ANKRD26: variants seen among roughly 807,000 people sequenced by gnomAD.
ANKRD26 encodes ankyrin repeat domain 26.
In ANKRD26, 141 loss-of-function variants were observed where a neutral mutation model predicts 208.7. That is an observed-to-expected ratio of 0.68 (90% CI 0.59 to 0.78). The LOEUF is 0.78. Ranked by LOEUF, ANKRD26 falls within the 30% of genes least tolerant of loss-of-function variation. ANKRD26 has a pLI of 0.00. For synonymous variants in ANKRD26, 636 were observed against 660.4 expected (o/e 0.96, Z 0.57); for missense variants, 1,889 against 1,938.7 (o/e 0.97, Z 0.48).
intron 9 of ANKRD26, among the ~76,000 whole-genome samples, chr10:27,069,501 G>T (rs944158646): frequency 6.6e-6 from 1 of 152,038 alleles, no homozygotes; most frequent in African/African-American, 2.4e-5. Context: ...CAGAGACAAG[G>T]TTTCACTGTG....
At position 27,077,354 on chromosome 10, in the gene ANKRD26, T is replaced by C. The variant is rs764315640; in HGVS notation, c.1061A>G (p.Asn354Ser). Residue 354 changes from asparagine (N) to serine (S), a missense_variant, in exon 9 of 34, where the codon AAC becomes AGC. This residue lies in a region of ANKRD26 where 1,272 missense variants were observed against 1,273.8 expected (regional missense o/e 1.00). Transcript: ENST00000376087. ...LPKPSHKSLA[N>S]PGLMKEEPTK... ...ACAACTTACCTTCATAAGACCAGGGTTTGCTAACGACTTGTGGGAAGGTTT... is the reference window on the plus strand; with the variant it reads ...ACAACTTACCTTCATAAGACCAGGGCTTGCTAACGACTTGTGGGAAGGTTT... 12 of 1,613,752 alleles carry C rather than the reference T, an allele frequency of 7.4e-6. No individual in the cohort carries two copies. The Admixed American group carries it at 2.0e-4, about 27-fold the overall frequency.
chr10:26,951,019 C>CTTTTTTTTTTTTTTTTTTTTTTTT, the ANKRD26 span, among the ~76,000 whole-genome samples: 26 of 48,592 alleles, frequency 5.4e-4, no homozygotes, highest in East Asian at 9.0e-4. Context: ...TTTTCTTTTT[C>CTTTTTTTTTTTTTTTTTTTTTTTT]TTTTTTTTTT....
chr10:27,049,220 G>C (rs896966417), intron 16 of ANKRD26, among the ~76,000 whole-genome samples: 9 of 152,020 alleles, frequency 5.9e-5, no homozygotes, highest in African/African-American at 2.2e-4. Context: ...GGGTAAAACA[G>C]AATTTTCCAA....
At chr10:27,001,272 G>T (rs1229273046), downstream of ANKRD26, among the ~76,000 whole-genome samples, 1 of 152,146 alleles carries the variant, frequency 6.6e-6, no homozygotes, top group Admixed American at 6.5e-5. Flanking sequence ...AAAATGAGAA[G>T]GGCCTAAGCG....
At chr10:27,050,707 A>G (rs751870611) in intron 16 of ANKRD26, among the ~76,000 whole-genome samples, 27 of 152,140 alleles carry the variant, frequency 1.8e-4, no homozygotes, top group Non-Finnish European at 2.9e-4. Context: ...AAAGAAATTC[A>G]TCTTTAAGAA....
At chr10:27,092,572 A>C (rs529455243) in intron 3 of ANKRD26, 60 bp from the exon 4 acceptor site, 4 of 1,247,274 alleles carry the variant, frequency 3.2e-6, no homozygotes, top group Non-Finnish European at 4.7e-6. Flanking sequence ...GGCTGAACTG[A>C]AAACTCTATG....
Position 27,053,353 on chromosome 10 carries a change from T to A in ANKRD26, c.1602A>T (p.Gln534His). ...HDLEVASEEE[Q>H]EREGSENNQP... ...GGTTATTTTCACTCCCTTCCCTTTC[T>A]TGCTCTTCTTCTGATGCTACTTCTA... The change falls in exon 16 of 34, where the codon CAA becomes CAT. Residue 534 changes from glutamine (Q) to histidine (H), a missense_variant. Physicochemically the swap from Gln to His is conservative, Grantham distance 24. Coordinates refer to ENST00000376087, the MANE Select transcript of ANKRD26 (RefSeq NM_014915.3). The A allele has an allele frequency of 6.2e-7, 1 of 1,611,038 alleles. No homozygotes were observed. Among genetic ancestry groups the A allele is most frequent in the Non-Finnish European group, 8.5e-7 (1 of 1,178,894 alleles).
intron 33 of ANKRD26, among the ~76,000 whole-genome samples, chr10:27,006,063 C>A (rs2052866096): frequency 6.6e-6 from 1 of 152,126 alleles, no homozygotes; most frequent in African/African-American, 2.4e-5. Flanking sequence ...GACAAACATA[C>A]AATTTCCATA....
At chr10:27,039,398 G>A (rs2054153055) in intron 21 of ANKRD26, among the ~76,000 whole-genome samples, 1 of 150,832 alleles carries the variant, frequency 6.6e-6, no homozygotes, top group African/African-American at 2.4e-5. Flanking sequence ...AGGTTACAGT[G>A]AGCCAAGATT....
rs373454154 is a variant in ANKRD26, at chr10:27,042,057, C to CA, written c.2161+1368dup. On this transcript the variant is annotated intron_variant, in intron 20 of 33. Transcript: ENST00000376087. ...AAACAAAGAGTCATAGCTTATAAGT[C>CA]AAAAAAAAAACAAACCCAAAAACCT... Among the ~76,000 whole-genome samples the CA allele has an allele frequency of 1.2e-3, 166 of 142,676 alleles. 1 individual carries two copies. The highest frequency in any genetic ancestry group is 4.9e-3 in the South Asian group (22 of 4,452). 93.6% of individuals were successfully genotyped at this position (142,676 alleles called of 152,430 possible).
chr10:27,065,866 T>C (rs1270445530), intron 11 of ANKRD26, among the ~76,000 whole-genome samples: 2 of 135,944 alleles, frequency 1.5e-5, no homozygotes, highest in Non-Finnish European at 3.2e-5. Context: ...TTTCTTTTTT[T>C]TTTTTTTTTT....
In ANKRD26 at chr10:27,043,433, C is replaced by G. The variant is rs1396776811; in HGVS notation, c.2154G>C (p.Glu718Asp). The change falls in exon 20 of 34, where the codon GAG becomes GAC. Residue 718 changes from glutamate to aspartate, a missense_variant. Around this residue, in one of 3 missense-constraint regions of ANKRD26, gnomAD observed 1,272 missense variants for 1,273.8 expected, o/e 1.00. Transcript: ENST00000376087. The stretch of plus-strand genomic sequence containing the variant: ...TTTATGCAATGGTCCTACCTTTACA[C>G]TCCATTCCAAGTTGTTCAATGAGCA... ...FMLLIEQLGM[E>D]CKDSVSLLKI... The G allele has an allele frequency of 6.2e-7, 1 of 1,614,014 alleles. No homozygotes were observed. Among genetic ancestry groups the G allele is most frequent in the Admixed American group, 1.7e-5 (1 of 60,034 alleles).
intron 9 of ANKRD26, among the ~76,000 whole-genome samples, chr10:27,069,185 A>C (rs928408185): frequency 4.4e-5 from 5 of 113,756 alleles, no homozygotes; most frequent in African/African-American, 1.9e-4. Flanking sequence ...ACAGAGTGAG[A>C]CGTCGTCTCA....
chr10:27,034,757 CAGG>C, intron 24 of ANKRD26, 36 bp downstream of exon 24: 1 of 1,387,862 alleles, frequency 7.2e-7, no homozygotes, highest in Non-Finnish European at 1.0e-6. Flanking sequence ...AATTTTCTTT[CAGG>C]AGGTTTGAAA....
intron 25 of ANKRD26, chr10:27,030,434 G>A (rs984792898): frequency 1.1e-5 from 11 of 985,420 alleles, no homozygotes; most frequent in Non-Finnish European, 1.1e-5. Flanking sequence ...GGACTCTGCT[G>A]CGAAACAAGG....
At chr10:27,070,669 ATT>A (rs58198134) in intron 9 of ANKRD26, among the ~76,000 whole-genome samples, 4 of 145,458 alleles carry the variant, frequency 2.7e-5, no homozygotes, top group African/African-American at 2.5e-5. Context: ...TCTTCTAGAG[ATT>A]TTTTTTTTTT....
the ANKRD26 span, among the ~76,000 whole-genome samples, chr10:26,953,958 T>C: frequency 6.6e-6 from 1 of 152,240 alleles, no homozygotes; most frequent in Non-Finnish European, 1.5e-5. Context: ...GAGAGCATCA[T>C]AAGGGAGATT....
rs74426725 is a variant in ANKRD26 at position 27,007,170 on chromosome 10, T to C, written c.4954-208A>G. On this transcript the variant is annotated intron_variant, in intron 32 of 33. Transcript: ENST00000376087. ...AAATGTGTAATGTTGTTTAATCTGA[T>C]AAAAAGTACAATTAATATTGGTCTA... Among the ~76,000 whole-genome samples the C allele has an allele frequency of 9.5e-4, 144 of 152,304 alleles. 1 individual carries two copies. In the East Asian group the frequency reaches 0.024, roughly 26 times the overall value.
chr10:27,058,441 C>T (rs866681902), intron 15 of ANKRD26, among the ~76,000 whole-genome samples: 3 of 152,250 alleles, frequency 2.0e-5, no homozygotes, highest in Middle Eastern at 3.4e-3. Context: ...TATTCAAATG[C>T]GTGGCTGTAC....
Sources: allele counts gnomAD v4.1 joint callset (sites outside exome capture counted in the v4.1 genomes callset), GRCh38; gene constraint gnomAD v4.1.1; regional missense constraint gnomAD v4.1.1; transcripts MANE v1.5; gene names NCBI Gene and HGNC (gene_info 2026-07-23, HGNC 2026-07-21).